Variants in ISM1 observed in about 807,000 individuals in gnomAD.
ISM1 encodes the protein isthmin-1.
In ISM1, 25 loss-of-function variants were observed where a neutral mutation model predicts 46.3. That is an observed-to-expected ratio of 0.54 (90% CI 0.39 to 0.75). ISM1 has a LOEUF of 0.75. Ranked by LOEUF, ISM1 falls within the 30% of genes least tolerant of loss-of-function variation. ISM1 has a pLI of 0.00. For synonymous variants in ISM1, 255 were observed against 256.7 expected (o/e 0.99, Z 0.06); for missense variants, 536 against 625.4 (o/e 0.86, Z 1.52).
chr20:13,306,564 C>CAAAAAAAAAAAAAAAAAAAAAAAAGA, the ISM1 span, among the ~76,000 whole-genome samples: 8 of 63,914 alleles, frequency 1.3e-4, no homozygotes, highest in South Asian at 7.8e-4. Context: ...GGAGAAAGGA[C>CAAAAAAAAAAAAAAAAAAAAAAAAGA]AAAAAAAAAA....
the ISM1 span, among the ~76,000 whole-genome samples, chr20:13,322,199 C>G: frequency 6.6e-6 from 1 of 152,220 alleles, no homozygotes; most frequent in African/African-American, 2.4e-5. Context: ...TCCAATTTGA[C>G]AGCTTTTTAG....
intron 1 of ISM1, among the ~76,000 whole-genome samples, chr20:13,224,907 G>A (rs1249824352): frequency 6.2e-5 from 9 of 145,830 alleles, no homozygotes; most frequent in South Asian, 2.2e-4. Flanking sequence ...GTGCAGTGGC[G>A]CGATCTCTGC....
At chr20:13,304,787 C>T (rs1223262), downstream of ISM1, among the ~76,000 whole-genome samples, 33,336 of 152,064 alleles carry the variant, frequency 0.22, 4,361 homozygotes, top group Middle Eastern at 0.3. Context: ...AGTCCACGAG[C>T]TCCCAGTGGG....
In ISM1 at chr20:13,221,301, C is replaced by G. The variant is rs1600466855; in HGVS notation, c.-476C>G. ...CCTCCTCCTCCCCGCGCTTCTCTGGCGGCCGCTCCCGCTCCAGCTGCGGCG... is the reference window on the plus strand; with the variant it reads ...CCTCCTCCTCCCCGCGCTTCTCTGGGGGCCGCTCCCGCTCCAGCTGCGGCG... On this transcript the variant is annotated 5_prime_UTR_variant, in exon 1 of 6. Coordinates refer to ENST00000262487, the MANE Select transcript of ISM1 (RefSeq NM_080826.2). Among the ~76,000 whole-genome samples, 1 of 148,290 alleles carries G rather than the reference C, an allele frequency of 6.7e-6. No individual in the cohort carries two copies. The highest frequency in any genetic ancestry group is 2.0e-4 in the East Asian group (1 of 4,940).
At chr20:13,265,697 A>G (rs2040035321) in intron 1 of ISM1, among the ~76,000 whole-genome samples, 1 of 152,186 alleles carries the variant, frequency 6.6e-6, no homozygotes, top group Admixed American at 6.5e-5. Flanking sequence ...TGCAAAAGTA[A>G]TGGCGGTTTT....
chr20:13,257,256 T>C (rs991559685), intron 1 of ISM1, among the ~76,000 whole-genome samples: 9 of 152,206 alleles, frequency 5.9e-5, no homozygotes, highest in Non-Finnish European at 1.0e-4. Context: ...GGCTCATGCC[T>C]GTAATCCCAG....
chr20:13,225,934 C>CA (rs2039519827), intron 1 of ISM1, among the ~76,000 whole-genome samples: 1 of 151,880 alleles, frequency 6.6e-6, no homozygotes, highest in South Asian at 2.1e-4. Context: ...ATATAGAATC[C>CA]ATAGGCAATA....
intron 1 of ISM1, among the ~76,000 whole-genome samples, chr20:13,243,426 AC>A (rs2039753812): frequency 6.6e-6 from 1 of 152,176 alleles, no homozygotes; most frequent in African/African-American, 2.4e-5. Flanking sequence ...CCAGCTTGGC[AC>A]AAAGACACGT....
At chr20:13,273,182 T>G (rs2040135203) in intron 2 of ISM1, among the ~76,000 whole-genome samples, 1 of 151,756 alleles carries the variant, frequency 6.6e-6, no homozygotes, top group Non-Finnish European at 1.5e-5. Flanking sequence ...TGTCTGAAAA[T>G]TCCCATTCCC....
At chr20:13,278,241 A>G (rs2040202546) in intron 2 of ISM1, among the ~76,000 whole-genome samples, 1 of 152,120 alleles carries the variant, frequency 6.6e-6, no homozygotes, top group Admixed American at 6.5e-5. Context: ...TCATTCTTCC[A>G]GCCCCGTGAC....
At chr20:13,236,914 G>A (rs2039656879) in intron 1 of ISM1, among the ~76,000 whole-genome samples, 1 of 152,186 alleles carries the variant, frequency 6.6e-6, no homozygotes, top group African/African-American at 2.4e-5. Context: ...TGCTTTCAGG[G>A]GCTGGCATTG....
At chr20:13,288,705 G>T (rs756889291) in intron 4 of ISM1, 22 bp downstream of exon 4, 8 of 1,596,538 alleles carry the variant, frequency 5.0e-6, no homozygotes, top group Non-Finnish European at 6.9e-6. Flanking sequence ...TGAGTGTGTA[G>T]CTCCAAGTTC....
chr20:13,253,984 G>A (rs1249665044), intron 1 of ISM1, among the ~76,000 whole-genome samples: 2 of 150,590 alleles, frequency 1.3e-5, no homozygotes, highest in Admixed American at 6.6e-5. Context: ...TTGGGAGGCC[G>A]AGGTGAGCGG....
chr20:13,250,993 C>A (rs1366736001), intron 1 of ISM1, among the ~76,000 whole-genome samples: 1 of 152,192 alleles, frequency 6.6e-6, no homozygotes, highest in East Asian at 1.9e-4. Flanking sequence ...TTTTAATATT[C>A]ATGACCTGGA....
At chr20:13,250,521 C>T (rs2039857328) in intron 1 of ISM1, among the ~76,000 whole-genome samples, 3 of 152,188 alleles carry the variant, frequency 2.0e-5, no homozygotes, top group Admixed American at 1.3e-4. Flanking sequence ...TGCCAGGCAG[C>T]TTCCAAAACT....
chr20:13,264,304 C>T (rs1183094147), intron 1 of ISM1, among the ~76,000 whole-genome samples: 1 of 152,198 alleles, frequency 6.6e-6, no homozygotes, highest in African/African-American at 2.4e-5. Flanking sequence ...TAGACAGCCA[C>T]AATTTGTTAC....
the ISM1 span, among the ~76,000 whole-genome samples, chr20:13,311,243 T>TAGATAGATGATA: frequency 0.022 from 2,865 of 127,808 alleles, 54 homozygotes; most frequent in East Asian, 0.075. Context: ...GATAGATAGA[T>TAGATAGATGATA]GATAGATAGA....
At chr20:13,234,965 T>G (rs2039631464) in intron 1 of ISM1, among the ~76,000 whole-genome samples, 1 of 152,230 alleles carries the variant, frequency 6.6e-6, no homozygotes, top group Admixed American at 6.5e-5. Flanking sequence ...AGGTCATGGT[T>G]TGAGAAACAC....
chr20:13,243,119 A>G (rs1187786638), intron 1 of ISM1, among the ~76,000 whole-genome samples: 1 of 149,138 alleles, frequency 6.7e-6, no homozygotes, highest in African/African-American at 2.5e-5. Flanking sequence ...TGGCTTGGGG[A>G]AGAAGTTCCT....
Sources: gnomAD v4.1 joint callset for allele counts (sites outside exome capture counted in the v4.1 genomes callset) on GRCh38, gnomAD v4.1.1 for gene constraint, MANE v1.5 for transcripts, NCBI Gene and HGNC (gene_info 2026-07-23, HGNC 2026-07-21) for gene names.